The following LRP1B variants were observed in gnomAD, a reference collection of about 807,000 sequenced individuals.
The protein encoded by LRP1B is LDL receptor related protein 1B, also known as low-density lipoprotein receptor-related protein 1B.
In LRP1B, 217 loss-of-function variants were observed where a neutral mutation model predicts 556.6. The ratio of observed to expected loss-of-function variants is 0.39; its 90% CI spans 0.35 to 0.44. The LOEUF is 0.44. LRP1B is among the 20% of genes least tolerant of loss of function. The pLI, the probability that LRP1B is intolerant of heterozygous loss-of-function variation, is 1.00. For synonymous variants in LRP1B, 2,047 were observed against 1,865.8 expected (o/e 1.10, Z -2.50); for missense variants, 5,053 against 5,620.8 (o/e 0.90, Z 3.23).
intron 2 of LRP1B, among the ~76,000 whole-genome samples, chr2:141,646,289 TAG>T (rs766875932): frequency 3.3e-5 from 5 of 152,264 alleles, no homozygotes; most frequent in Admixed American, 6.5e-5. Context: ...GTATATAGTG[TAG>T]AGAGATATAA....
chr2:140,718,079 T>C, intron 35 of LRP1B, among the ~76,000 whole-genome samples: 1 of 152,142 alleles, frequency 6.6e-6, no homozygotes, highest in East Asian at 1.9e-4. Flanking sequence ...AAGCATTGTA[T>C]GTTGAGTCTA....
At chr2:140,464,072 T>C (rs2105332800) in intron 60 of LRP1B, among the ~76,000 whole-genome samples, 1 of 152,190 alleles carries the variant, frequency 6.6e-6, no homozygotes. Flanking sequence ...GGTGCATGCC[T>C]GTAGTCCCAG....
intron 1 of LRP1B, among the ~76,000 whole-genome samples, chr2:141,983,773 C>T (rs1702108181): frequency 6.6e-6 from 1 of 152,030 alleles, no homozygotes; most frequent in Admixed American, 6.6e-5. Flanking sequence ...TGAAAAAACC[C>T]ATTTAGGCTG....
chr2:141,913,422 C>G (rs1699955880), intron 1 of LRP1B, among the ~76,000 whole-genome samples: 1 of 152,042 alleles, frequency 6.6e-6, no homozygotes, highest in African/African-American at 2.4e-5. Flanking sequence ...GAGATCCTTC[C>G]CACTCTCCAT....
intron 15 of LRP1B, among the ~76,000 whole-genome samples, chr2:141,001,568 T>G (rs1217978202): frequency 6.6e-6 from 1 of 152,092 alleles, no homozygotes; most frequent in Non-Finnish European, 1.5e-5. Flanking sequence ...GAACACGTGG[T>G]GCTTGGTTTT....
intron 2 of LRP1B, among the ~76,000 whole-genome samples, chr2:141,641,394 C>T (rs768129843): frequency 2.0e-5 from 3 of 151,972 alleles, no homozygotes; most frequent in African/African-American, 4.8e-5. Flanking sequence ...GGTGACTATA[C>T]AATAATTAAC....
chr2:141,584,268 T>C (rs568144348), intron 2 of LRP1B, among the ~76,000 whole-genome samples: 1 of 151,582 alleles, frequency 6.6e-6, no homozygotes, highest in South Asian at 2.1e-4. Context: ...AAAAAGAAGA[T>C]AATTTTTTCA....
intron 41 of LRP1B, among the ~76,000 whole-genome samples, chr2:140,663,544 A>T (rs77473858): frequency 0.1 from 15,814 of 152,128 alleles, 964 homozygotes; most frequent in East Asian, 0.25. Flanking sequence ...CTCAAACTTA[A>T]CTTTTGCAGC....
chr2:141,295,739 G>A (rs1039016929), intron 3 of LRP1B, among the ~76,000 whole-genome samples: 8 of 50,122 alleles, frequency 1.6e-4, no homozygotes, highest in Admixed American at 1.4e-3. Flanking sequence ...TTTACTATGA[G>A]GAGAGAAACA....
At chr2:141,565,421 A>G (rs1021886005) in intron 2 of LRP1B, among the ~76,000 whole-genome samples, 3 of 152,194 alleles carry the variant, frequency 2.0e-5, no homozygotes, top group Non-Finnish European at 4.4e-5. Context: ...AAAGGAGCAA[A>G]AAGATGATCA....
At chr2:140,903,505 G>A (rs984100481) in intron 22 of LRP1B, among the ~76,000 whole-genome samples, 4 of 152,014 alleles carry the variant, frequency 2.6e-5, no homozygotes, top group African/African-American at 9.7e-5. Flanking sequence ...TAGCAGTGGT[G>A]CAAAATAATT....
At position 140,335,793 on chromosome 2, in the gene LRP1B, C is replaced by A. The variant is rs2105087038; in HGVS notation, c.11938G>T (p.Ala3980Ser). The A allele has an allele frequency of 6.2e-7, 1 of 1,612,632 alleles. No homozygotes were observed. The highest frequency in any genetic ancestry group is 8.5e-7 in the Non-Finnish European group (1 of 1,179,228). ...TGATCAGTCCAGTAAATGTTTCCAG[C>A]CACCCAGTCAACTGCAATGTCCCTG... The part of the protein sequence containing the change: ...RPRDIAVDWV[A>S]GNIYWTDHSR... The change falls in exon 78 of 91, where the codon GCT becomes TCT. Residue 3980 changes from alanine (A) to serine (S), a missense_variant. Coordinates refer to ENST00000389484, the MANE Select transcript of LRP1B (RefSeq NM_018557.3).
intron 7 of LRP1B, among the ~76,000 whole-genome samples, chr2:141,082,124 A>G (rs1699938066): frequency 2.4e-5 from 1 of 41,326 alleles, no homozygotes; most frequent in Admixed American, 2.6e-4. Flanking sequence ...CCATTCCAAG[A>G]CAATTCTTAT....
At chr2:141,191,608 C>A (rs7565975) in intron 6 of LRP1B, among the ~76,000 whole-genome samples, 55,979 of 151,440 alleles carry the variant, frequency 0.37, 11,605 homozygotes, top group Middle Eastern at 0.57. Context: ...GCTATTGATA[C>A]TAGTTTTATT....
At chr2:141,806,403 T>A (rs1449800556) in intron 2 of LRP1B, among the ~76,000 whole-genome samples, 3 of 152,060 alleles carry the variant, frequency 2.0e-5, no homozygotes, top group Non-Finnish European at 4.4e-5. Context: ...AGTCTTTATT[T>A]AGACACTTGA....
At chr2:142,070,658 ATT>A (rs748099692) in intron 1 of LRP1B, among the ~76,000 whole-genome samples, 2 of 151,688 alleles carry the variant, frequency 1.3e-5, no homozygotes, top group Non-Finnish European at 2.9e-5. Context: ...AAAAGGGAAC[ATT>A]TAATCCCTTT....
chr2:140,569,339 C>T (rs573808784), intron 43 of LRP1B, among the ~76,000 whole-genome samples: 1 of 151,932 alleles, frequency 6.6e-6, no homozygotes, highest in East Asian at 1.9e-4. Context: ...CCTATAAAGA[C>T]AAACATAGAC....
intron 1 of LRP1B, among the ~76,000 whole-genome samples, chr2:142,010,554 CA>C (rs33927334): frequency 0.37 from 22,368 of 60,010 alleles, 1,213 homozygotes; most frequent in Middle Eastern, 0.45. Flanking sequence ...GATTCTGTCT[CA>C]AAAAAAAAAA....
chr2:141,873,747 G>T (rs540229617), intron 1 of LRP1B, among the ~76,000 whole-genome samples: 1 of 151,698 alleles, frequency 6.6e-6, no homozygotes, highest in Non-Finnish European at 1.5e-5. Context: ...AATACATTTG[G>T]GGGCAAGAAA....
Sources: allele counts gnomAD v4.1 joint callset (sites outside exome capture counted in the v4.1 genomes callset), GRCh38; gene constraint gnomAD v4.1.1; transcripts MANE v1.5; gene names NCBI Gene and HGNC (gene_info 2026-07-23, HGNC 2026-07-21).